Variants in AUTS2 observed in about 807,000 individuals in gnomAD.
AUTS2 encodes autism susceptibility gene 2 protein.
Under a neutral mutation model 112.4 loss-of-function variants are expected in AUTS2, and 17 were observed. The observed-to-expected ratio is 0.15, with a 90% CI of 0.10 to 0.23. The LOEUF (loss-of-function observed/expected upper bound fraction) is 0.23. Ranked by LOEUF, AUTS2 falls within the 10% of genes least tolerant of loss-of-function variation. The pLI is 1.00. For synonymous variants in AUTS2, 751 were observed against 702.7 expected (o/e 1.07, Z -1.09); for missense variants, 1,510 against 1,701.6 (o/e 0.89, Z 1.98).
At chr7:70,406,065 C>T (rs1266142469) in intron 4 of AUTS2, among the ~76,000 whole-genome samples, 4 of 152,130 alleles carry the variant, frequency 2.6e-5, no homozygotes, top group African/African-American at 9.7e-5. Flanking sequence ...ACTCTTTTCA[C>T]GGTCTCCCCT....
intron 13 of AUTS2, chr7:70,776,725 T>C: frequency 3.1e-6 from 1 of 324,020 alleles, no homozygotes; most frequent in South Asian, 2.8e-5. Flanking sequence ...ACAGCTGATT[T>C]GCATTATAGC....
intron 2 of AUTS2, among the ~76,000 whole-genome samples, chr7:70,084,787 A>G (rs1167600134): frequency 6.6e-6 from 1 of 152,148 alleles, no homozygotes; most frequent in Non-Finnish European, 1.5e-5. Context: ...TATATGGTAT[A>G]CAAATATTTG....
At chr7:70,486,900 C>CT (rs909628134) in intron 5 of AUTS2, among the ~76,000 whole-genome samples, 2 of 111,306 alleles carry the variant, frequency 1.8e-5, no homozygotes, top group African/African-American at 7.8e-5. Context: ...TTTGTATTCC[C>CT]CCCCCCCCAA....
At chr7:70,407,946 C>T (rs536730167) in intron 4 of AUTS2, among the ~76,000 whole-genome samples, 221 of 151,038 alleles carry the variant, frequency 1.5e-3, no homozygotes, top group African/African-American at 5.2e-3. Context: ...CCCAGCTACT[C>T]GGGAGGCTGA....
chr7:69,620,339 C>T (rs1793597121), intron 1 of AUTS2, among the ~76,000 whole-genome samples: 1 of 152,192 alleles, frequency 6.6e-6, no homozygotes, highest in South Asian at 2.1e-4. Context: ...CTGTTACAGT[C>T]TTCCACAGCT....
chr7:70,487,908 G>A (rs1025934611), intron 5 of AUTS2, among the ~76,000 whole-genome samples: 1 of 152,224 alleles, frequency 6.6e-6, no homozygotes, highest in African/African-American at 2.4e-5. Flanking sequence ...CGTTAAAATA[G>A]GGGGATGAGT....
At chr7:69,603,775 G>T (rs1267676982) in intron 1 of AUTS2, among the ~76,000 whole-genome samples, 1 of 152,210 alleles carries the variant, frequency 6.6e-6, no homozygotes, top group African/African-American at 2.4e-5. Flanking sequence ...AAAATCCCCA[G>T]ATAAGATGTC....
chr7:70,296,240 T>C (rs1788928982), intron 4 of AUTS2, among the ~76,000 whole-genome samples: 1 of 152,248 alleles, frequency 6.6e-6, no homozygotes, highest in Non-Finnish European at 1.5e-5. Context: ...AAGTATCGCA[T>C]AGTTGAAGAA....
chr7:70,428,444 T>A (rs890675473), intron 4 of AUTS2, among the ~76,000 whole-genome samples: 2 of 152,214 alleles, frequency 1.3e-5, no homozygotes, highest in African/African-American at 4.8e-5. Flanking sequence ...TTTCTGCAGG[T>A]GGCTTCTTCT....
At chr7:70,461,235 A>T (rs576753575) in intron 5 of AUTS2, among the ~76,000 whole-genome samples, 27 of 152,166 alleles carry the variant, frequency 1.8e-4, no homozygotes, top group Admixed American at 5.9e-4. Context: ...AAGTGGCATC[A>T]TGGCTATCAC....
chr7:70,300,173 A>G (rs1030766237), intron 4 of AUTS2, among the ~76,000 whole-genome samples: 41 of 152,196 alleles, frequency 2.7e-4, no homozygotes, highest in African/African-American at 8.2e-4. Context: ...CTTGGGCTAC[A>G]TTGGAAGAAG....
At chr7:70,160,314 G>C (rs1284984294) in intron 4 of AUTS2, among the ~76,000 whole-genome samples, 1 of 152,128 alleles carries the variant, frequency 6.6e-6, no homozygotes, top group Non-Finnish European at 1.5e-5. Flanking sequence ...CTAGGATTTT[G>C]ATCACCTTCT....
At chr7:70,457,205 G>A (rs1231315031) in intron 5 of AUTS2, among the ~76,000 whole-genome samples, 1 of 152,174 alleles carries the variant, frequency 6.6e-6, no homozygotes, top group Non-Finnish European at 1.5e-5. Flanking sequence ...ACTGACCGGG[G>A]CTGTGCCCAC....
chr7:69,657,117 C>T (rs1008149966), intron 1 of AUTS2, among the ~76,000 whole-genome samples: 10 of 152,220 alleles, frequency 6.6e-5, no homozygotes, highest in Non-Finnish European at 1.2e-4. Flanking sequence ...CTCCCGGCTC[C>T]TTCAGCTTTC....
At chr7:70,786,405 C>T (rs921340879) in intron 17 of AUTS2, among the ~76,000 whole-genome samples, 2 of 152,128 alleles carry the variant, frequency 1.3e-5, no homozygotes, top group Non-Finnish European at 2.9e-5. Context: ...TCATCTTGCC[C>T]GTGGCATTCG....
intron 1 of AUTS2, among the ~76,000 whole-genome samples, chr7:69,861,478 A>G (rs1286468456): frequency 2.6e-5 from 4 of 152,196 alleles, no homozygotes; most frequent in African/African-American, 9.7e-5. Flanking sequence ...CATCTTGAGC[A>G]GTGCCCCACT....
At chr7:70,584,040 G>A (rs62455831) in intron 5 of AUTS2, among the ~76,000 whole-genome samples, 6,953 of 152,248 alleles carry the variant, frequency 0.046, 177 homozygotes, top group South Asian at 0.073. Context: ...TATTTTTGCC[G>A]TTGAATTTGT....
chr7:70,129,901 T>TATA (rs1554319605), intron 3 of AUTS2, among the ~76,000 whole-genome samples: 4 of 147,408 alleles, frequency 2.7e-5, no homozygotes, highest in South Asian at 2.2e-4. Context: ...TATATATATA[T>TATA]TGTGTGTGTG....
chr7:70,382,940 G>A (rs984013269), intron 4 of AUTS2, among the ~76,000 whole-genome samples: 2 of 152,132 alleles, frequency 1.3e-5, no homozygotes, highest in African/African-American at 4.8e-5. Flanking sequence ...GAGATATCTG[G>A]TTTTGAACAT....
Sources: allele counts gnomAD v4.1 joint callset (sites outside exome capture counted in the v4.1 genomes callset), GRCh38; gene constraint gnomAD v4.1.1; transcripts MANE v1.5; gene names NCBI Gene and HGNC (gene_info 2026-07-23, HGNC 2026-07-21).